Variants in SLC25A12 observed in about 807,000 individuals in gnomAD.
SLC25A12 encodes electrogenic aspartate/glutamate antiporter SLC25A12, mitochondrial.
In SLC25A12, 32 loss-of-function variants were observed where a neutral mutation model predicts 83.3. The observed-to-expected ratio is 0.38, with a 90% CI of 0.29 to 0.52. The LOEUF (loss-of-function observed/expected upper bound fraction) is 0.52. Ranked by LOEUF, SLC25A12 falls within the 20% of genes least tolerant of loss-of-function variation. The pLI is 0.84. For synonymous variants in SLC25A12, 267 were observed against 291.1 expected, an observed-to-expected ratio of 0.92 and a Z score of 0.84; for missense variants, 611 against 835.6, an observed-to-expected ratio of 0.73 and a Z score of 3.31.
In SLC25A12 at chr2:171,783,849, G is replaced by T. The variant is rs745472405; in HGVS notation, c.*1425C>A. On this transcript the variant is annotated 3_prime_UTR_variant, in exon 18 of 18. Transcript: ENST00000422440. ...CTGGAGGGCCTCCAGGGAGCCTACAGTTGCAGTCACAGGGCTGTCAGCCAT... is the reference window on the plus strand; with the variant it reads ...CTGGAGGGCCTCCAGGGAGCCTACATTTGCAGTCACAGGGCTGTCAGCCAT... Among the ~76,000 whole-genome samples the T allele has an allele frequency of 2.0e-5, 3 of 152,210 alleles. No individual in the cohort carries two copies. The highest frequency in any genetic ancestry group is 4.4e-5 in the Non-Finnish European group (3 of 68,032).
At chr2:171,846,016 C>A (rs887505985) in intron 4 of SLC25A12, among the ~76,000 whole-genome samples, 1 of 151,964 alleles carries the variant, frequency 6.6e-6, no homozygotes, top group African/African-American at 2.4e-5. Flanking sequence ...TGTGAAACTT[C>A]GAAGTTGTAA....
At chr2:171,868,311 A>AC (rs1685384719) in intron 3 of SLC25A12, among the ~76,000 whole-genome samples, 1 of 129,520 alleles carries the variant, frequency 7.7e-6, no homozygotes, top group Admixed American at 8.4e-5. Context: ...GGGTTTTTTA[A>AC]TTTTTTTTTT....
rs902304428 is a variant in SLC25A12, at chr2:171,857,268, G to A, written c.210-1319C>T. 1.2e-4 allele frequency among the ~76,000 whole-genome samples: 18 copies of A among 152,330 alleles called. 1 individual carries two copies. The highest frequency in any genetic ancestry group is 3.6e-4 in the African/African-American group (15 of 41,588). On this transcript the variant is annotated intron_variant, in intron 3 of 17. Coordinates refer to ENST00000422440, the MANE Select transcript of SLC25A12 (RefSeq NM_003705.5). ...CACCTGTAATCCCAACAACTCAGGA[G>A]GCTGAGGTGGGAGGATTGCTTGAGC... is the stretch of plus-strand genomic sequence containing the variant.
intron 13 of SLC25A12, among the ~76,000 whole-genome samples, chr2:171,806,835 A>G (rs957364547): frequency 1.3e-4 from 20 of 152,216 alleles, no homozygotes; most frequent in African/African-American, 3.9e-4. Context: ...GCCAAAAGCC[A>G]TAAGGACACC....
intron 13 of SLC25A12, among the ~76,000 whole-genome samples, chr2:171,803,810 TACACACAC>T (rs57628850): frequency 2.0e-5 from 3 of 148,426 alleles, no homozygotes; most frequent in Admixed American, 6.7e-5. Flanking sequence ...TTTAAAAAAA[TACACACAC>T]ACACACACAC....
chr2:171,797,789 TTTAAA>T (rs1167510056), intron 13 of SLC25A12, among the ~76,000 whole-genome samples: 1 of 152,182 alleles, frequency 6.6e-6, no homozygotes, highest in East Asian at 1.9e-4. Context: ...TATATAAAAT[TTTAAA>T]TTAAATCACA....
At chr2:171,793,515 G>T in intron 14 of SLC25A12, 112 bp downstream of exon 14, 1 of 1,089,836 alleles carries the variant, frequency 9.2e-7, no homozygotes, top group Non-Finnish European at 1.4e-6. Context: ...TTGATTTTCT[G>T]CTCCACAGAC....
intron 3 of SLC25A12, among the ~76,000 whole-genome samples, 181 bp downstream of exon 3, chr2:171,868,500 G>A (rs920236424): frequency 6.6e-6 from 1 of 151,790 alleles, no homozygotes; most frequent in African/African-American, 2.4e-5. Context: ...TTTTAGTAGA[G>A]ACAGGGTTTC....
At chr2:171,826,699 A>C in intron 9 of SLC25A12, 99 bp downstream of exon 9, 1 of 762,076 alleles carries the variant, frequency 1.3e-6, no homozygotes, top group Non-Finnish European at 2.4e-6. Flanking sequence ...TCTGGAAAGT[A>C]ATTTTTAATT....
chr2:171,879,412 C>T (rs138924714), intron 2 of SLC25A12, among the ~76,000 whole-genome samples: 3,213 of 152,242 alleles, frequency 0.021, 54 homozygotes, highest in Middle Eastern at 0.041. Flanking sequence ...ATAGTAAGCC[C>T]TACTGTCAGC....
At chr2:171,881,404 G>A (rs780648887) in intron 2 of SLC25A12, among the ~76,000 whole-genome samples, 3 of 152,036 alleles carry the variant, frequency 2.0e-5, no homozygotes, top group Admixed American at 6.5e-5. Flanking sequence ...CAGCCGCCTC[G>A]GCCTCCCAAA....
intron 4 of SLC25A12, among the ~76,000 whole-genome samples, chr2:171,848,588 G>A (rs1244812878): frequency 6.6e-6 from 1 of 152,082 alleles, no homozygotes; most frequent in Non-Finnish European, 1.5e-5. Context: ...AAATTGGGAG[G>A]AAAGAGGAGG....
In SLC25A12 at chr2:171,783,858, A is replaced by G. The variant is rs1169804249; in HGVS notation, c.*1416T>C. Among the ~76,000 whole-genome samples the G allele has an allele frequency of 6.6e-6, 1 of 152,196 alleles. No homozygotes were observed. Among genetic ancestry groups the G allele is most frequent in the Non-Finnish European group, 1.5e-5 (1 of 68,024 alleles). ...CTCCAGGGAGCCTACAGTTGCAGTCACAGGGCTGTCAGCCATCAATCGAGG... is the reference window on the plus strand; with the variant it reads ...CTCCAGGGAGCCTACAGTTGCAGTCGCAGGGCTGTCAGCCATCAATCGAGG... On this transcript the variant is annotated 3_prime_UTR_variant, in exon 18 of 18. Transcript: ENST00000422440.
intron 3 of SLC25A12, among the ~76,000 whole-genome samples, chr2:171,866,804 T>G (rs866293530): frequency 4.7e-5 from 6 of 127,230 alleles, no homozygotes; most frequent in South Asian, 6.0e-4. Flanking sequence ...GCGGCTGGCC[T>G]GGCGGGGGCT....
rs548585604 is a variant in SLC25A12 at position 171,844,315 on chromosome 2, G to A, written c.465+54C>T. The stretch of plus-strand genomic sequence containing the variant: ...GTAATAAACTTAATAAATACAAAGC[G>A]AAGGACACAGAAGAATAGTATATAT... On this transcript the variant is annotated intron_variant, in intron 5 of 17. Coordinates refer to ENST00000422440, the MANE Select transcript of SLC25A12 (RefSeq NM_003705.5). 570 of 1,556,768 alleles carry A rather than the reference G, an allele frequency of 3.7e-4. 2 individuals are homozygous for A. In the African/African-American group the frequency reaches 6.5e-3, roughly 18 times the overall value.
chr2:171,884,972 G>A (rs1484028792), intron 2 of SLC25A12, among the ~76,000 whole-genome samples: 2 of 152,126 alleles, frequency 1.3e-5, no homozygotes, highest in African/African-American at 4.8e-5. Flanking sequence ...CCAGCACTTT[G>A]GGAGGCCGAG....
At chr2:171,820,053 C>T (rs1164629207) in intron 9 of SLC25A12, among the ~76,000 whole-genome samples, 1 of 151,954 alleles carries the variant, frequency 6.6e-6, no homozygotes, top group African/African-American at 2.4e-5. Flanking sequence ...AAGGAAACAA[C>T]GGACACTGGG....
At chr2:171,892,521 G>A (rs940932502) in intron 2 of SLC25A12, among the ~76,000 whole-genome samples, 17 of 152,120 alleles carry the variant, frequency 1.1e-4, no homozygotes, top group African/African-American at 2.9e-4. Context: ...CACCGCGCCC[G>A]GCCTACATCT....
chr2:171,874,288 A>G (rs2105922143), intron 2 of SLC25A12, among the ~76,000 whole-genome samples: 1 of 152,294 alleles, frequency 6.6e-6, no homozygotes. Context: ...GCTACTCGGG[A>G]TGCTGAGACA....
Sources: allele counts gnomAD v4.1 joint callset (sites outside exome capture counted in the v4.1 genomes callset), GRCh38; gene constraint gnomAD v4.1.1; transcripts MANE v1.5; gene names NCBI Gene and HGNC (gene_info 2026-07-23, HGNC 2026-07-21).